STARD9: variants seen among roughly 807,000 people sequenced by gnomAD.
The protein encoded by STARD9 is stAR-related lipid transfer protein 9.
STARD9 carries 346 observed loss-of-function variants against 399.8 expected under a neutral mutation model. That is an observed-to-expected ratio of 0.87 (90% CI 0.79 to 0.95). The LOEUF is 0.95. Among genes scored for constraint, STARD9 ranks in the 40% least tolerant of loss-of-function variants. The probability of loss-of-function intolerance (pLI) is 0.00; values close to 1 mark genes in which losing one functional copy is unlikely to be tolerated. For synonymous variants in STARD9, 2,203 were observed against 2,143.5 expected (o/e 1.03, Z -0.77); for missense variants, 5,832 against 5,667.5 (o/e 1.03, Z -0.93).
At position 42,691,304 on chromosome 15, in the gene STARD9, T is replaced by C; in HGVS notation, c.9726T>C (p.Cys3242=). Reference sequence around the variant, plus strand: ...CTGATGAAGATGGCTTAGATGGCTGTCAGATTTTAGATGCTGGGAGAGAGG... The same window carrying C: ...CTGATGAAGATGGCTTAGATGGCTGCCAGATTTTAGATGCTGGGAGAGAGG... The part of the protein sequence containing the change: ...PLPDEDGLDG[C]QILDAGREEV... Residue 3242 remains cysteine (C), a synonymous_variant, in exon 23 of 33, where the codon TGT becomes TGC. Coordinates refer to ENST00000290607, the MANE Select transcript of STARD9 (RefSeq NM_020759.3). 1 of 1,537,228 alleles carries C rather than the reference T, an allele frequency of 6.5e-7. No individual in the cohort carries two copies. The highest frequency in any genetic ancestry group is 8.7e-7 in the Non-Finnish European group (1 of 1,146,902).
In STARD9 at chr15:42,649,862, C is replaced by CTTT. The variant is rs765573235; in HGVS notation, c.560-1135_560-1133dup. Reference sequence around the variant, plus strand: ...ACAGGCATGAGGCACCGAGCCTGGCCTTTTTTTTTTTTTTTTTTTTTGAGA... The same window carrying CTTT: ...ACAGGCATGAGGCACCGAGCCTGGCCTTTTTTTTTTTTTTTTTTTTTTTTGAGA... On this transcript the variant is annotated intron_variant, in intron 7 of 32. Coordinates refer to ENST00000290607, the MANE Select transcript of STARD9 (RefSeq NM_020759.3). Among the ~76,000 whole-genome samples, 26 of 107,222 alleles carry CTTT rather than the reference C, an allele frequency of 2.4e-4. 1 individual carries two copies. The highest frequency in any genetic ancestry group is 7.2e-4 in the African/African-American group (18 of 25,076). 70.3% of individuals were successfully genotyped at this position (107,222 alleles called of 152,430 possible).
chr15:42,589,952 CTTTT>C (rs961377203), intron 3 of STARD9, among the ~76,000 whole-genome samples: 1 of 91,950 alleles, frequency 1.1e-5, no homozygotes, highest in Non-Finnish European at 2.1e-5. Context: ...AACCTTGATT[CTTTT>C]TTTTTTTTTT....
chr15:42,639,696 C>T (rs923537603), intron 7 of STARD9, among the ~76,000 whole-genome samples: 1 of 151,964 alleles, frequency 6.6e-6, no homozygotes, highest in African/African-American at 2.4e-5. Context: ...AACCTTATCT[C>T]TACTAAAAAT....
chr15:42,682,591 G>C lies in STARD9; in HGVS notation c.2537+16G>C. 6.6e-7 allele frequency: 1 copy of C among 1,509,130 alleles called. No homozygotes were observed. Among genetic ancestry groups the C allele is most frequent in the Non-Finnish European group, 8.8e-7 (1 of 1,130,746 alleles). The allele number at this position is 1,509,130 out of a possible 1,614,324, so 93.5% of individuals were successfully genotyped here. On this transcript the variant is annotated intron_variant, in intron 22 of 32. Coordinates refer to ENST00000290607, the MANE Select transcript of STARD9 (RefSeq NM_020759.3). ...AGCTACACAGGTACAGCCAGTAGTTGTCACTGGGAAGCACTCGGTTAAAGT... is the reference window on the plus strand; with the variant it reads ...AGCTACACAGGTACAGCCAGTAGTTCTCACTGGGAAGCACTCGGTTAAAGT...
rs747724946 is a variant in STARD9, at chr15:42,682,308, G to C, written c.2270G>C (p.Arg757Pro). The C allele has an allele frequency of 1.6e-5, 25 of 1,537,198 alleles. No homozygotes were observed. Among genetic ancestry groups the C allele is most frequent in the Non-Finnish European group, 2.2e-5 (25 of 1,146,898 alleles). ...HLQLLRRHTL[R>P]AAERNVRRKK... ...CAGCTCCTGCGGAGACACACTCTTC[G>C]GGCAGCAGAGCGGAATGTCCGGCGG... The change falls in exon 22 of 33, where the codon CGG becomes CCG. Residue 757 changes from arginine (R) to proline (P), a missense_variant. By Grantham distance (103) the Arg-to-Pro change is moderately radical. This residue lies in a region of STARD9 where 5,828 missense variants were observed against 5,651.1 expected (regional missense o/e 1.03). Transcript: ENST00000290607.
Position 42,688,694 on chromosome 15 carries a change from T to G in STARD9, c.7116T>G (p.Ser2372Arg), listed in dbSNP as rs1227319410. Residue 2372 changes from serine (S) to arginine (R), a missense_variant, in exon 23 of 33, where the codon AGT (serine) becomes AGG (arginine). This residue lies in a region of STARD9 where 5,828 missense variants were observed against 5,651.1 expected (regional missense o/e 1.03). Coordinates refer to ENST00000290607, the MANE Select transcript of STARD9 (RefSeq NM_020759.3). ...TCACAATGTTGAAAATTCATAACAG[T>G]CCCTTGGTAACTGGAGTAGAGCATC... Reference protein sequence around the residue: ...LDLTMLKIHNSPLVTGVEHQD... With the variant: ...LDLTMLKIHNRPLVTGVEHQD... 6.5e-7 allele frequency: 1 copy of G among 1,537,608 alleles called. No individual in the cohort carries two copies. The highest frequency in any genetic ancestry group is 2.0e-5 in the Admixed American group (1 of 50,990).
rs1235752972 is a variant in STARD9, at chr15:42,682,366, C to T, written c.2328C>T (p.Ile776=). The change falls in exon 22 of 33, where the codon ATC becomes ATT. Residue 776 remains isoleucine (I), a synonymous_variant. Coordinates refer to ENST00000290607, the MANE Select transcript of STARD9 (RefSeq NM_020759.3). ...TCTCATTCCAGCTAGAGAGAATCATCAAAAAGCAGAGGCTGCTGGAGGCCC... is the reference window on the plus strand; with the variant it reads ...TCTCATTCCAGCTAGAGAGAATCATTAAAAAGCAGAGGCTGCTGGAGGCCC... ...KKVSFQLERI[I]KKQRLLEAQK... 4.6e-6 allele frequency: 7 copies of T among 1,537,248 alleles called. No homozygotes were observed. The Admixed American group carries it at 1.4e-4, about 30-fold the overall frequency.
chr15:42,675,821 A>C, intron 19 of STARD9, 51 bp from the exon 20 acceptor site: 1 of 1,534,250 alleles, frequency 6.5e-7, no homozygotes, highest in Non-Finnish European at 8.7e-7. Context: ...CCAAGCTGGG[A>C]GAGGTGGAGG....
chr15:42,682,313 G>A lies in STARD9; in HGVS notation c.2275G>A (p.Ala759Thr). ...QLLRRHTLRA[A>T]ERNVRRKKVS... Reference sequence around the variant, plus strand: ...CCTGCGGAGACACACTCTTCGGGCAGCAGAGCGGAATGTCCGGCGGAAAAA... The same window carrying A: ...CCTGCGGAGACACACTCTTCGGGCAACAGAGCGGAATGTCCGGCGGAAAAA... The change falls in exon 22 of 33, where the codon GCA becomes ACA. Residue 759 changes from alanine to threonine, a missense_variant. Ala to Thr is a moderately conservative substitution (Grantham distance 58). Coordinates refer to ENST00000290607, the MANE Select transcript of STARD9 (RefSeq NM_020759.3). 1 of 1,537,288 alleles carries A rather than the reference G, an allele frequency of 6.5e-7. No homozygotes were observed. Among genetic ancestry groups the A allele is most frequent in the Non-Finnish European group, 8.7e-7 (1 of 1,146,906 alleles).
rs1417615650 is a variant in STARD9 at position 42,692,527 on chromosome 15, A to C, written c.10949A>C (p.His3650Pro). The C allele has an allele frequency of 1.3e-6, 2 of 1,537,168 alleles. No homozygotes were observed. The highest frequency in any genetic ancestry group is 8.7e-7 in the Non-Finnish European group (1 of 1,146,912). The change falls in exon 23 of 33, where the codon CAC becomes CCC. Residue 3650 changes from histidine (H) to proline (P), a missense_variant. Physicochemically the swap from His to Pro is moderately conservative, Grantham distance 77. This residue lies in a region of STARD9 where 5,828 missense variants were observed against 5,651.1 expected (regional missense o/e 1.03). Coordinates refer to ENST00000290607, the MANE Select transcript of STARD9 (RefSeq NM_020759.3). Reference protein sequence around the residue: ...QGTQTLGSRRHWSSTDISFAQ... With the variant: ...QGTQTLGSRRPWSSTDISFAQ... ...ACACAGACCCTCGGCAGCAGGCGCC[A>C]CTGGAGCAGCACTGACATCTCCTTT...
At position 42,689,457 on chromosome 15, in the gene STARD9, C is replaced by G; in HGVS notation, c.7879C>G (p.Gln2627Glu). The G allele has an allele frequency of 6.5e-7, 1 of 1,537,342 alleles. No homozygotes were observed. The highest frequency in any genetic ancestry group is 8.7e-7 in the Non-Finnish European group (1 of 1,146,926). ...HVASLSAEAG[Q>E]IDLLPDERKV... ...GGCATCTCTATCTGCTGAAGCAGGG[C>G]AGATAGATCTGTTACCTGATGAGAG... is the stretch of plus-strand genomic sequence containing the variant. The change falls in exon 23 of 33, where the codon CAG becomes GAG. Residue 2627 changes from glutamine (Q) to glutamate (E), a missense_variant. This residue lies in a region of STARD9 where 5,828 missense variants were observed against 5,651.1 expected (regional missense o/e 1.03). Coordinates refer to ENST00000290607, the MANE Select transcript of STARD9 (RefSeq NM_020759.3).
Position 42,691,584 on chromosome 15 carries a change from C to T in STARD9, c.10006C>T (p.Gln3336Ter), listed in dbSNP as rs988433627. 4 of 1,537,150 alleles carry T rather than the reference C, an allele frequency of 2.6e-6. No homozygotes were observed. In the African/African-American group the frequency reaches 4.1e-5, roughly 16 times the overall value. Residue 3336 changes from glutamine (Q) to a stop codon, truncating the protein, a stop_gained, in exon 23 of 33, where the codon CAG becomes TAG. Coordinates refer to ENST00000290607, the MANE Select transcript of STARD9 (RefSeq NM_020759.3). LOFTEE classifies it high-confidence loss of function. ...FSVVGSSRSL[Q>*]ELNLSVEPPS... ...AGTTGTCGGCTCTTCTCGTTCTCTT[C>T]AGGAGCTGAACTTGAGTGTGGAGCC...
At chr15:42,719,012 G>A in intron 32 of STARD9, 102 bp downstream of exon 32, 2 of 1,112,742 alleles carry the variant, frequency 1.8e-6, no homozygotes, top group Admixed American at 2.3e-5. Flanking sequence ...CAGTGCCCAG[G>A]CCCTTTGGCC....
chr15:42,590,242 T>G (rs1323836494), intron 3 of STARD9, among the ~76,000 whole-genome samples: 3 of 151,340 alleles, frequency 2.0e-5, no homozygotes, highest in African/African-American at 4.9e-5. Flanking sequence ...GGATTACAGG[T>G]GTGAGCCACC....
intron 9 of STARD9, 55 bp downstream of exon 9, chr15:42,652,647 C>T: frequency 7.1e-7 from 1 of 1,403,258 alleles, no homozygotes; most frequent in Admixed American, 2.0e-5. Context: ...ACCTTTAAAC[C>T]ACTTTCTTGT....
In STARD9 at chr15:42,661,195, G is replaced by A. The variant is rs2059987147; in HGVS notation, c.740G>A (p.Ser247Asn). 6.5e-7 allele frequency: 1 copy of A among 1,536,820 alleles called. No homozygotes were observed. Among genetic ancestry groups the A allele is most frequent in the South Asian group, 1.2e-5 (1 of 84,058 alleles). ...LENNLPSEMASKINLVDLAGS... is the reference protein window; with the variant it reads ...LENNLPSEMANKINLVDLAGS... ...AACAACCTCCCTTCTGAAATGGCTA[G>A]CAAGATCAACCTTGTGGACCTAGCA... is the stretch of plus-strand genomic sequence containing the variant. The change falls in exon 10 of 33, where the codon AGC becomes AAC. Residue 247 changes from serine (S) to asparagine (N), a missense_variant. Coordinates refer to ENST00000290607, the MANE Select transcript of STARD9 (RefSeq NM_020759.3).
chr15:42,664,016 C>A, intron 13 of STARD9, 99 bp downstream of exon 13: 1 of 760,658 alleles, frequency 1.3e-6, no homozygotes, highest in Non-Finnish European at 2.2e-6. Context: ...CTCACCTCAA[C>A]TTTCCAGACT....
intron 3 of STARD9, among the ~76,000 whole-genome samples, chr15:42,595,356 A>T (rs889581655): frequency 6.6e-6 from 1 of 152,208 alleles, no homozygotes; most frequent in Admixed American, 6.5e-5. Flanking sequence ...GCAGCAATCA[A>T]ACCTTGACTA....
At chr15:42,634,222 C>G (rs1194238659) in intron 3 of STARD9, among the ~76,000 whole-genome samples, 4 of 152,138 alleles carry the variant, frequency 2.6e-5, no homozygotes, top group Non-Finnish European at 5.9e-5. Flanking sequence ...TTCCTGAGAC[C>G]AGAGTCTGCC....
Sources: allele counts gnomAD v4.1 joint callset (sites outside exome capture counted in the v4.1 genomes callset), GRCh38; gene constraint gnomAD v4.1.1; regional missense constraint gnomAD v4.1.1; transcripts MANE v1.5; gene names NCBI Gene and HGNC (gene_info 2026-07-23, HGNC 2026-07-21).